CADM2: variants seen among roughly 807,000 people sequenced by gnomAD.
The protein encoded by CADM2 is cell adhesion molecule 2.
Under a neutral mutation model 49.8 loss-of-function variants are expected in CADM2, and 12 were observed. That is an observed-to-expected ratio of 0.24 (90% CI 0.15 to 0.39). The LOEUF is 0.39. Among genes scored for constraint, CADM2 ranks in the 10% least tolerant of loss-of-function variants. The pLI is 1.00. For missense variants in CADM2, 378 were observed against 492.3 expected, an observed-to-expected ratio of 0.77 and a Z score of 2.20; for synonymous variants, 214 against 175.4, an observed-to-expected ratio of 1.22 and a Z score of -1.74.
chr3:85,405,911 G>A (rs141558061), intron 1 of CADM2, among the ~76,000 whole-genome samples: 1 of 150,780 alleles, frequency 6.6e-6, no homozygotes, highest in East Asian at 1.9e-4. Flanking sequence ...GTGAGACCCT[G>A]TCACAAAAAT....
chr3:85,870,626 C>T (rs939747016), intron 3 of CADM2, among the ~76,000 whole-genome samples: 44 of 152,128 alleles, frequency 2.9e-4, no homozygotes, highest in African/African-American at 8.2e-4. Context: ...ATATGTACCA[C>T]ATTTTCTTTA....
At chr3:85,599,483 C>G (rs181154516) in intron 1 of CADM2, among the ~76,000 whole-genome samples, 2 of 152,008 alleles carry the variant, frequency 1.3e-5, no homozygotes, top group South Asian at 4.1e-4. Context: ...AAAACTGTTT[C>G]TGCATTCTTT....
chr3:85,211,579 A>G (rs1320444337), intron 1 of CADM2, among the ~76,000 whole-genome samples: 1 of 152,066 alleles, frequency 6.6e-6, no homozygotes, highest in Non-Finnish European at 1.5e-5. Context: ...TTCCATATGT[A>G]TGTATAGTTT....
chr3:85,679,325 A>G (rs955070575), intron 1 of CADM2, among the ~76,000 whole-genome samples: 5 of 152,100 alleles, frequency 3.3e-5, no homozygotes, highest in African/African-American at 1.2e-4. Flanking sequence ...AACATCACAC[A>G]TTTGGAGAGT....
intron 1 of CADM2, among the ~76,000 whole-genome samples, chr3:85,641,774 A>C (rs888608572): frequency 1.3e-5 from 2 of 151,572 alleles, no homozygotes; most frequent in African/African-American, 4.8e-5. Context: ...AAAATACAAA[A>C]AAAAAAAATA....
intron 6 of CADM2, among the ~76,000 whole-genome samples, chr3:85,925,435 A>G (rs1719703226): frequency 6.6e-6 from 1 of 152,224 alleles, no homozygotes; most frequent in Admixed American, 6.5e-5. Flanking sequence ...GATAATTTTC[A>G]GTATTAAGAA....
chr3:85,206,299 T>G (rs554648259), intron 1 of CADM2, among the ~76,000 whole-genome samples: 6 of 151,326 alleles, frequency 4.0e-5, no homozygotes, highest in South Asian at 4.2e-4. Context: ...TAGGTCTTTT[T>G]TTTTTTCTTT....
chr3:85,092,520 G>T (rs916408569), intron 1 of CADM2, among the ~76,000 whole-genome samples: 2 of 152,092 alleles, frequency 1.3e-5, no homozygotes, highest in Non-Finnish European at 2.9e-5. Flanking sequence ...AGCTCATCTG[G>T]CAGGTGTCTA....
chr3:85,568,461 T>TTCTC (rs370465976), intron 1 of CADM2, among the ~76,000 whole-genome samples: 1 of 15,234 alleles, frequency 6.6e-5, no homozygotes, highest in African/African-American at 1.5e-4. Context: ...CTTTCTTTCT[T>TTCTC]TCTCTTTCTC....
chr3:85,465,250 T>A (rs2038440234), intron 1 of CADM2, among the ~76,000 whole-genome samples: 1 of 152,160 alleles, frequency 6.6e-6, no homozygotes, highest in Non-Finnish European at 1.5e-5. Context: ...GCAAATCAGA[T>A]CTTGTCGCAT....
intron 6 of CADM2, among the ~76,000 whole-genome samples, chr3:85,920,272 T>C (rs898579747): frequency 6.6e-6 from 1 of 151,856 alleles, no homozygotes; most frequent in Non-Finnish European, 1.5e-5. Flanking sequence ...CCACAAATTA[T>C]ATATAGCATA....
intron 1 of CADM2, among the ~76,000 whole-genome samples, chr3:85,700,407 C>A (rs888904813): frequency 3.3e-5 from 5 of 152,016 alleles, no homozygotes; most frequent in Non-Finnish European, 4.4e-5. Context: ...ATGGGTGCAG[C>A]AAACCACCAT....
chr3:85,295,206 G>A lies in CADM2; in HGVS notation c.61+335538G>A, dbSNP rs541736441. On this transcript the variant is annotated intron_variant, in intron 1 of 9. Transcript: ENST00000383699. Reference sequence around the variant, plus strand: ...CATGTAAAAATGCTCATCATCACTGGCCATCAGAGAAATGCAAATCAAAAC... The same window carrying A: ...CATGTAAAAATGCTCATCATCACTGACCATCAGAGAAATGCAAATCAAAAC... Among the ~76,000 whole-genome samples, 3 of 152,214 alleles carry A rather than the reference G, an allele frequency of 2.0e-5. No individual in the cohort carries two copies. The East Asian group carries it at 5.8e-4, about 29-fold the overall frequency.
intron 1 of CADM2, among the ~76,000 whole-genome samples, chr3:85,680,676 T>C (rs2066014975): frequency 6.6e-6 from 1 of 152,192 alleles, no homozygotes; most frequent in East Asian, 1.9e-4. Context: ...AATAGAACTT[T>C]GCTTTGGGCA....
chr3:85,272,636 C>A (rs989569995), intron 1 of CADM2, among the ~76,000 whole-genome samples: 4 of 151,238 alleles, frequency 2.6e-5, no homozygotes, highest in Non-Finnish European at 5.9e-5. Flanking sequence ...AGCACTAGAA[C>A]AGAACTACTA....
In CADM2 at chr3:85,864,489, C is replaced by T. The variant is rs1197290951; in HGVS notation, c.239-18802C>T. Among the ~76,000 whole-genome samples the T allele has an allele frequency of 7.2e-5, 11 of 152,242 alleles. No individual in the cohort carries two copies. In the South Asian group the frequency reaches 1.2e-3, roughly 17 times the overall value. On this transcript the variant is annotated intron_variant, in intron 3 of 9. Coordinates refer to ENST00000383699, the MANE Select transcript of CADM2 (RefSeq NM_001167675.2). The stretch of plus-strand genomic sequence containing the variant: ...GATACTACTACACCATTCCATTATG[C>T]TGGATTTACTCTTATCTATATGTAC...
intron 2 of CADM2, among the ~76,000 whole-genome samples, chr3:85,789,534 G>C (rs1485800094): frequency 1.3e-5 from 2 of 151,888 alleles, no homozygotes; most frequent in Non-Finnish European, 2.9e-5. Flanking sequence ...ATTTGCTTTG[G>C]ATTCTTTCAC....
intron 1 of CADM2, among the ~76,000 whole-genome samples, chr3:85,410,192 A>G (rs962109312): frequency 4.6e-5 from 7 of 152,168 alleles, no homozygotes; most frequent in African/African-American, 1.7e-4. Flanking sequence ...TTCCTTATAT[A>G]AGTGTTTGTA....
intron 1 of CADM2, among the ~76,000 whole-genome samples, chr3:85,171,552 A>G (rs190069672): frequency 1.1e-3 from 168 of 152,308 alleles, no homozygotes; most frequent in African/African-American, 3.8e-3. Context: ...CACAACTGTT[A>G]TTTTAGAGGT....
Sources: gnomAD v4.1 joint callset for allele counts (sites outside exome capture counted in the v4.1 genomes callset) on GRCh38, gnomAD v4.1.1 for gene constraint, MANE v1.5 for transcripts, NCBI Gene and HGNC (gene_info 2026-07-23, HGNC 2026-07-21) for gene names.